Variants in BAG6 observed in about 807,000 individuals in gnomAD.
BAG6 encodes BAG cochaperone 6, also known as large proline-rich protein BAG6.
Under a neutral mutation model 121.0 loss-of-function variants are expected in BAG6, and 22 were observed. That is an observed-to-expected ratio of 0.18 (90% CI 0.13 to 0.26). The LOEUF is 0.26. Ranked by LOEUF, BAG6 falls within the 10% of genes least tolerant of loss-of-function variation. The pLI, the probability that BAG6 is intolerant of heterozygous loss-of-function variation, is 1.00. For missense variants in BAG6, 1,233 were observed against 1,537.7 expected (o/e 0.80, Z 3.31); for synonymous variants, 583 against 584.6 (o/e 1.00, Z 0.04).
chr6:31,642,732 G>A (rs1348295935), intron 15 of BAG6, 97 bp downstream of exon 15: 2 of 1,396,634 alleles, frequency 1.4e-6, no homozygotes, highest in Non-Finnish European at 2.0e-6. Flanking sequence ...TGTCACTAGG[G>A]GCTCTTACCC....
chr6:31,651,337 G>A lies in BAG6; in HGVS notation c.108+319C>T, dbSNP rs191530069. ...GCACATCACCTGAGGTAAGGAGTTC[G>A]AGACCAGCCTGACCAACATGGTGAA... is the stretch of plus-strand genomic sequence containing the variant. On this transcript the variant is annotated intron_variant, in intron 2 of 25. Transcript: ENST00000676615. Among the ~76,000 whole-genome samples the A allele has an allele frequency of 1.1e-4, 17 of 152,268 alleles. No homozygotes were observed. The East Asian group carries it at 1.9e-3, about 17-fold the overall frequency.
intron 1 of BAG6, 181 bp from the exon 2 acceptor site, chr6:31,651,957 G>C (rs1797287822): frequency 1.1e-5 from 6 of 549,628 alleles, no homozygotes; most frequent in African/African-American, 1.9e-5. Flanking sequence ...CAAAGGGCAG[G>C]AGATCGACGG....
At chr6:31,646,621 C>T (rs1162693750) in intron 7 of BAG6, 98 bp from the exon 8 acceptor site, 10 of 1,494,926 alleles carry the variant, frequency 6.7e-6, no homozygotes, top group Non-Finnish European at 9.0e-6. Context: ...TCCCTGGTCT[C>T]CCAGAGCCCT....
Position 31,644,919 on chromosome 6 carries a change from GCTCTT to G in BAG6, c.1369+22_1369+26del. ...GAACCTCCCTCATCATGCTGATCCT[GCTCTT>G]CTCGCCAGCAACTATTCTCACCTTG... is the stretch of plus-strand genomic sequence containing the variant. On this transcript the variant is annotated intron_variant, in intron 10 of 25. Coordinates refer to ENST00000676615, the MANE Select transcript of BAG6 (RefSeq NM_001387994.1). This position sits in a 1 kb window ranked among gnomAD's most constrained non-coding sequence, Gnocchi z 4.9. 6.4e-7 allele frequency: 1 copy of G among 1,551,020 alleles called. No homozygotes were observed. Among genetic ancestry groups the G allele is most frequent in the Non-Finnish European group, 8.7e-7 (1 of 1,147,128 alleles).
At position 31,642,985 on chromosome 6, in the gene BAG6, T is replaced by C. The variant is rs748649428; in HGVS notation, c.1887A>G (p.Gln629=). ...AGAACTGAAGATCAGCCATGGAGGG[T>C]TGAGGGGTGGGTGGAGGCTGGGCAG... ...GGPAQPPPTP[Q]PSMADLQFSQ... is the part of the protein sequence containing the mutation. The change falls in exon 15 of 26, where the codon CAA becomes CAG. Residue 629 remains glutamine, a synonymous_variant. Coordinates refer to ENST00000676615, the MANE Select transcript of BAG6 (RefSeq NM_001387994.1). 1.9e-5 allele frequency: 30 copies of C among 1,597,554 alleles called. No individual in the cohort carries two copies. The Admixed American group carries it at 2.1e-4, about 11-fold the overall frequency.
chr6:31,642,889 G>A lies in BAG6; in HGVS notation c.1983C>T (p.Thr661=). The A allele has an allele frequency of 5.0e-6, 8 of 1,611,926 alleles. No homozygotes were observed. The highest frequency in any genetic ancestry group is 6.8e-6 in the Non-Finnish European group (8 of 1,179,352). The part of the protein sequence containing the change: ...GAGGSGVASP[T]ITVAMPGVPA... ...GGACACCAGGCATCGCCACAGTGATGGTGGGAGAAGCCACACCAGACCCTC... is the reference window on the plus strand; with the variant it reads ...GGACACCAGGCATCGCCACAGTGATAGTGGGAGAAGCCACACCAGACCCTC... The change falls in exon 15 of 26, where the codon ACC becomes ACT. Residue 661 remains threonine, a synonymous_variant. Transcript: ENST00000676615.
Position 31,644,959 on chromosome 6 carries a change from G to A in BAG6, c.1356C>T (p.His452=), listed in dbSNP as rs1787432862. 5 of 1,586,862 alleles carry A rather than the reference G, an allele frequency of 3.2e-6. No homozygotes were observed. Among genetic ancestry groups the A allele is most frequent in the Non-Finnish European group, 4.3e-6 (5 of 1,165,744 alleles). The change falls in exon 10 of 26, where the codon CAC becomes CAT. Residue 452 remains histidine (H), a synonymous_variant. Transcript: ENST00000676615. This position sits in a 1 kb window ranked among gnomAD's most constrained non-coding sequence, Gnocchi z 4.9. ...AACTATTCTCACCTTGAATGTTCAT[G>A]TGCATCATGACCACGGGTTCCACAC... ...HQSVEPVVMM[H]MNIQDSGTQP... is the part of the protein sequence containing the mutation.
Position 31,640,804 on chromosome 6 carries a change from A to G in BAG6, c.2922T>C (p.Gly974=). 6.2e-7 allele frequency: 1 copy of G among 1,612,766 alleles called. No individual in the cohort carries two copies. Reference sequence around the variant, plus strand: ...ACAGGTCCCTTACCTGGGGGGGATCACCAACCCTGCGAACGTATCTGAGAA... The same window carrying G: ...ACAGGTCCCTTACCTGGGGGGGATCGCCAACCCTGCGAACGTATCTGAGAA... The part of the protein sequence containing the change: ...DAILRYVRRV[G]DPPQPLPEEP... Residue 974 remains glycine, a synonymous_variant, in exon 21 of 26, where the codon GGT becomes GGC. Coordinates refer to ENST00000676615, the MANE Select transcript of BAG6 (RefSeq NM_001387994.1). This position sits in a 1 kb window ranked among gnomAD's most constrained non-coding sequence, Gnocchi z 4.2.
At chr6:31,651,547 G>GAA in intron 2 of BAG6, 109 bp downstream of exon 2, 1 of 853,900 alleles carries the variant, frequency 1.2e-6, no homozygotes, top group Non-Finnish European at 1.8e-6. Context: ...TCAAAAAAAA[G>GAA]AAAAAAAAAG....
chr6:31,646,557 C>T (rs113009847), intron 7 of BAG6, 34 bp from the exon 8 acceptor site: 1 of 1,606,002 alleles, frequency 6.2e-7, no homozygotes, highest in African/African-American at 1.3e-5. Context: ...TGAGCCAAAG[C>T]CTTCCTCAGA....
At chr6:31,650,665 C>CAAAAAAAAAAAAAAAAAAAAAAAA (rs1159426518) in intron 2 of BAG6, among the ~76,000 whole-genome samples, 1 of 76,626 alleles carries the variant, frequency 1.3e-5, no homozygotes, top group Non-Finnish European at 2.7e-5. Flanking sequence ...AACTCCATCT[C>CAAAAAAAAAAAAAAAAAAAAAAAA]AAAAAAAAAA....
rs1387600231 is a variant in BAG6 at position 31,642,095 on chromosome 6, G to A, written c.2335+17C>T. ...CTGCCCCTTCCTGGAGCAAGCCAAA[G>A]CATCCTTTTTGCTCACCAAGGGCCC... On this transcript the variant is annotated intron_variant, in intron 16 of 25. Transcript: ENST00000676615. The A allele has an allele frequency of 3.1e-6, 5 of 1,608,082 alleles. No individual in the cohort carries two copies. Among genetic ancestry groups the A allele is most frequent in the East Asian group, 2.2e-5 (1 of 44,798 alleles).
intron 14 of BAG6, among the ~76,000 whole-genome samples, chr6:31,643,364 C>T (rs950892476): frequency 1.3e-5 from 2 of 150,888 alleles, no homozygotes; most frequent in African/African-American, 4.9e-5. Context: ...TGAGCTTTAA[C>T]TCACTGGATT....
chr6:31,646,182 C>T (rs1788963659), intron 8 of BAG6, among the ~76,000 whole-genome samples: 1 of 152,132 alleles, frequency 6.6e-6, no homozygotes, highest in South Asian at 2.1e-4. Context: ...GATGGGGTTG[C>T]ACCATGTTGG....
Position 31,642,373 on chromosome 6 carries a change from G to A in BAG6, c.2074C>T (p.Pro692Ser). 9.4e-7 allele frequency: 1 copy of A among 1,062,432 alleles called. No individual in the cohort carries two copies. Among genetic ancestry groups the A allele is most frequent in the Non-Finnish European group, 1.4e-6 (1 of 731,140 alleles). 65.8% of individuals were successfully genotyped at this position (1,062,432 alleles called of 1,614,324 possible). A position where few individuals can be genotyped will look rare whatever the true frequency, so the allele number is the denominator to read the frequency against. The change falls in exon 16 of 26, where the codon CCT becomes TCT. Residue 692 changes from proline to serine, a missense_variant. By Grantham distance (74) the Pro-to-Ser change is moderately conservative. Transcript: ENST00000676615. ...ATQTAPPPPP[P>S]PPPPPPAPEQ... ...GGGGCAGGTGGTGGGGGTGGAGGAG[G>A]TGGGGGTGGTGGAGGGGCTGTCTGT...
chr6:31,649,072 A>C, intron 4 of BAG6, 108 bp from the exon 5 acceptor site: 7 of 1,491,260 alleles, frequency 4.7e-6, no homozygotes, highest in Non-Finnish European at 6.4e-6. Context: ...AAAGACTGAG[A>C]CCAATAGCAC....
intron 2 of BAG6, 89 bp downstream of exon 2, chr6:31,651,567 T>G: frequency 5.0e-6 from 6 of 1,197,078 alleles, no homozygotes; most frequent in South Asian, 2.6e-5. Flanking sequence ...GAAAATCTGG[T>G]GACCAGAAAA....
intron 2 of BAG6, among the ~76,000 whole-genome samples, chr6:31,651,141 C>T (rs1796220839): frequency 1.3e-5 from 2 of 152,210 alleles, no homozygotes; most frequent in Non-Finnish European, 2.9e-5. Flanking sequence ...TCTGTATTTC[C>T]CTCTGCATTA....
At chr6:31,647,867 G>C (rs760815249) in intron 6 of BAG6, 41 bp from the exon 7 acceptor site, 29 of 1,506,968 alleles carry the variant, frequency 1.9e-5, no homozygotes, top group Admixed American at 9.5e-5. Flanking sequence ...GGCAGGGTAA[G>C]ACTGCTGCAG....
Sources: allele counts gnomAD v4.1 joint callset (sites outside exome capture counted in the v4.1 genomes callset), GRCh38; gene constraint gnomAD v4.1.1; non-coding constraint Gnocchi (gnomAD v3.1); transcripts MANE v1.5; gene names NCBI Gene and HGNC (gene_info 2026-07-23, HGNC 2026-07-21).